The following OTUD7B variants were observed in gnomAD, a reference collection of about 807,000 sequenced individuals.
OTUD7B encodes OTU deubiquitinase 7B.
Under a neutral mutation model 82.2 loss-of-function variants are expected in OTUD7B, and 34 were observed. The ratio of observed to expected loss-of-function variants is 0.41; its 90% confidence interval spans 0.31 to 0.55. The LOEUF (loss-of-function observed/expected upper bound fraction) is 0.55. OTUD7B is among the 20% of genes least tolerant of loss of function. OTUD7B has a pLI of 0.20. For synonymous variants in OTUD7B, 398 were observed against 402.7 expected, an observed-to-expected ratio of 0.99 and a Z score of 0.14; for missense variants, 944 against 1,062.1, an observed-to-expected ratio of 0.89 and a Z score of 1.55.
At chr1:149,976,957 T>TA (rs1650363507) in intron 2 of OTUD7B, among the ~76,000 whole-genome samples, 1 of 151,636 alleles carries the variant, frequency 6.6e-6, no homozygotes, top group Non-Finnish European at 1.5e-5. Context: ...TAATCTCTAC[T>TA]AAAAAATACA....
upstream of OTUD7B, among the ~76,000 whole-genome samples, chr1:150,013,989 C>T (rs12142348): frequency 3.9e-5 from 5 of 129,730 alleles, no homozygotes; most frequent in Admixed American, 1.5e-4. Flanking sequence ...TATACACACA[C>T]ATATATACAC....
the OTUD7B span, chr1:150,048,560 A>G: frequency 2.6e-5 from 4 of 152,104 alleles, no homozygotes; most frequent in Non-Finnish European, 5.9e-5. Context: ...CTCTACACAA[A>G]ATAAATAAAT....
In OTUD7B at chr1:149,949,718, C is replaced by T. The variant is rs782728121; in HGVS notation, c.1034G>A (p.Cys345Tyr). ...YLPLEVPASQCHRSPLVLAYD... is the reference protein window; with the variant it reads ...YLPLEVPASQYHRSPLVLAYD... ...GGCGAGCACCAGAGGGGAGCGGTGA[C>T]ACTGGCTGGCTGGGACCTCCAAAGG... The change falls in exon 9 of 12, where the codon TGT (cysteine) becomes TAT (tyrosine). Residue 345 changes from cysteine (C) to tyrosine (Y), a missense_variant. By Grantham distance (194) the Cys-to-Tyr change is radical (BLOSUM62 -2). Coordinates refer to ENST00000581312, the MANE Select transcript of OTUD7B (RefSeq NM_020205.4). 4 of 1,614,026 alleles carry T rather than the reference C, an allele frequency of 2.5e-6. No individual in the cohort carries two copies. The African/African-American group carries it at 5.3e-5, about 22-fold the overall frequency.
the OTUD7B span, among the ~76,000 whole-genome samples, chr1:150,038,261 C>T: frequency 2.0e-5 from 3 of 152,032 alleles, no homozygotes; most frequent in Admixed American, 6.6e-5. Flanking sequence ...GATTTCTTTT[C>T]CATACCCTTT....
In OTUD7B at chr1:150,003,182, G is replaced by A. The variant is rs587681014; in HGVS notation, c.-67+7266C>T. ...GGAGAATGGCGTGAACCCGGGAGGC[G>A]GAGCTTGCAGTGAGCTGAGATTGTG... On this transcript the variant is annotated intron_variant, in intron 1 of 11. Transcript: ENST00000581312. 2.2e-4 allele frequency among the ~76,000 whole-genome samples: 33 copies of A among 151,454 alleles called. 1 individual carries two copies. In the East Asian group the frequency reaches 5.6e-3, roughly 26 times the overall value.
chr1:150,033,351 G>A, the OTUD7B span, among the ~76,000 whole-genome samples: 2 of 151,982 alleles, frequency 1.3e-5, no homozygotes, highest in African/African-American at 4.8e-5. Context: ...GGCCTTTTGA[G>A]GACAAAATAT....
Position 149,947,254 on chromosome 1 carries a change from T to G in OTUD7B, c.1320A>C (p.Ala440=). 1.3e-6 allele frequency: 2 copies of G among 1,582,136 alleles called. No individual in the cohort carries two copies. Among genetic ancestry groups the G allele is most frequent in the Non-Finnish European group, 8.7e-7 (1 of 1,150,974 alleles). Residue 440 remains alanine, a synonymous_variant, in exon 11 of 12, where the codon GCA becomes GCC. Coordinates refer to ENST00000581312, the MANE Select transcript of OTUD7B (RefSeq NM_020205.4). ...NVKWIPLSSD[A]QAPLAQPESP... is the part of the protein sequence containing the mutation. ...TAGATGTGGGAGAAGTCTTCACCTG[T>G]GCATCAGAGGACAGTGGGATCCACT...
chr1:149,944,898 C>A lies in OTUD7B; in HGVS notation c.1491G>T (p.Lys497Asn), dbSNP rs782079652. ...KSKRDREKDK[K>N]RADSVANKLG... is the part of the protein sequence containing the mutation. ...GTTTGTTAGCCACAGAATCTGCTCTCTTCTTGTCCTTCTCCCGATCTCGCT... is the reference window on the plus strand; with the variant it reads ...GTTTGTTAGCCACAGAATCTGCTCTATTCTTGTCCTTCTCCCGATCTCGCT... Residue 497 changes from lysine (K) to asparagine (N), a missense_variant, in exon 12 of 12, where the codon AAG (lysine) becomes AAT (asparagine). By Grantham distance (94) the Lys-to-Asn change is moderately conservative. Transcript: ENST00000581312. The A allele has an allele frequency of 6.2e-7, 1 of 1,614,186 alleles. No homozygotes were observed. Among genetic ancestry groups the A allele is most frequent in the Admixed American group, 1.7e-5 (1 of 60,026 alleles).
chr1:150,042,324 C>A, the OTUD7B span, among the ~76,000 whole-genome samples: 22,595 of 151,372 alleles, frequency 0.15, 1,853 homozygotes, highest in African/African-American at 0.18. Flanking sequence ...AGGCGCCCAC[C>A]ACCACACCCA....
chr1:150,053,309 A>G, the OTUD7B span, among the ~76,000 whole-genome samples: 1 of 152,190 alleles, frequency 6.6e-6, no homozygotes, highest in South Asian at 2.1e-4. Flanking sequence ...TCCAGCATCT[A>G]TAAGGAACTT....
intron 1 of OTUD7B, among the ~76,000 whole-genome samples, chr1:149,998,137 G>A (rs1216745991): frequency 6.6e-6 from 1 of 152,040 alleles, no homozygotes; most frequent in African/African-American, 2.4e-5. Flanking sequence ...ACGATAATCA[G>A]TTACCAAATT....
At position 149,940,169 on chromosome 1, in the gene OTUD7B, C is replaced by T. The variant is rs1021341661; in HGVS notation, c.*3688G>A. 3 of 151,842 alleles carry T rather than the reference C, an allele frequency of 2.0e-5. No individual in the cohort carries two copies. The highest frequency in any genetic ancestry group is 2.1e-4 in the South Asian group (1 of 4,810). 9.4% of individuals were successfully genotyped at this position (151,842 alleles called of 1,614,324 possible). Reference sequence around the variant, plus strand: ...AGTATCACCCCGCAGATATACAACACGAAGTCACTGCTAATTCTTGTTTGT... The same window carrying T: ...AGTATCACCCCGCAGATATACAACATGAAGTCACTGCTAATTCTTGTTTGT... On this transcript the variant is annotated 3_prime_UTR_variant, in exon 12 of 12. Transcript: ENST00000581312.
upstream of OTUD7B, among the ~76,000 whole-genome samples, chr1:150,013,814 T>C (rs1409176749): frequency 6.1e-5 from 9 of 147,780 alleles, no homozygotes; most frequent in African/African-American, 1.8e-4. Context: ...CCCAGCTACT[T>C]GGGAGGCTGA....
At chr1:149,953,501 T>C (rs1290773120) in intron 7 of OTUD7B, among the ~76,000 whole-genome samples, 9 of 152,230 alleles carry the variant, frequency 5.9e-5, no homozygotes, top group African/African-American at 2.2e-4. Flanking sequence ...AGCTTTGTTC[T>C]TTTGGCTTAG....
At position 149,971,169 on chromosome 1, in the gene OTUD7B, A is replaced by G; in HGVS notation, c.168T>C (p.Phe56=). Residue 56 remains phenylalanine (F), a synonymous_variant, in exon 3 of 12, where the codon TTT becomes TTC. Coordinates refer to ENST00000581312, the MANE Select transcript of OTUD7B (RefSeq NM_020205.4). ...QVHAGNLPPS[F]SEGSGGSRTP... is the part of the protein sequence containing the mutation. ...TCCTGGAGCCACCACTCCCCTCACT[A>G]AAGGATGGGGGTAGGTTTCCAGCAT... The G allele has an allele frequency of 1.2e-6, 2 of 1,613,226 alleles. No homozygotes were observed. The highest frequency in any genetic ancestry group is 8.5e-7 in the Non-Finnish European group (1 of 1,179,242).
At chr1:149,998,867 G>C (rs1229273049) in intron 1 of OTUD7B, among the ~76,000 whole-genome samples, 2 of 152,154 alleles carry the variant, frequency 1.3e-5, no homozygotes, top group African/African-American at 4.8e-5. Context: ...ATGACAATAT[G>C]TAAATCTCTT....
At chr1:149,997,532 G>T (rs189808893) in intron 1 of OTUD7B, among the ~76,000 whole-genome samples, 1 of 152,240 alleles carries the variant, frequency 6.6e-6, no homozygotes, top group African/African-American at 2.4e-5. Flanking sequence ...CTACCTTCTT[G>T]CAGGGAGAGT....
At chr1:150,055,582 C>G in the OTUD7B span, among the ~76,000 whole-genome samples, 1 of 152,142 alleles carries the variant, frequency 6.6e-6, no homozygotes, top group Non-Finnish European at 1.5e-5. Flanking sequence ...AAGACACATG[C>G]ACACGAATGT....
rs782554644 is a variant in OTUD7B at position 149,964,283 on chromosome 1, C to T, written c.671G>A (p.Gly224Glu). The change falls in exon 6 of 12, where the codon GGA (glycine) becomes GAA (glutamate). Residue 224 changes from glycine (G) to glutamate (E), a missense_variant. Coordinates refer to ENST00000581312, the MANE Select transcript of OTUD7B (RefSeq NM_020205.4). ...RKALYALMEK[G>E]VEKEALKRRW... Reference sequence around the variant, plus strand: ...CCTTTTCAACGCTTCCTTCTCAACTCCCTTCTCCATCAGTGCATACAAAGC... The same window carrying T: ...CCTTTTCAACGCTTCCTTCTCAACTTCCTTCTCCATCAGTGCATACAAAGC... The T allele has an allele frequency of 6.2e-7, 1 of 1,614,152 alleles. No homozygotes were observed. The highest frequency in any genetic ancestry group is 1.1e-5 in the South Asian group (1 of 91,082).
Sources: allele counts gnomAD v4.1 joint callset (sites outside exome capture counted in the v4.1 genomes callset), GRCh38; gene constraint gnomAD v4.1.1; transcripts MANE v1.5; gene names NCBI Gene and HGNC (gene_info 2026-07-23, HGNC 2026-07-21).